The following GTF3C1 variants were observed in gnomAD, a reference collection of about 807,000 sequenced individuals.
The protein encoded by GTF3C1 is general transcription factor IIIC subunit 1, also known as general transcription factor 3C polypeptide 1.
In GTF3C1, 57 loss-of-function variants were observed where a neutral mutation model predicts 226.7. The observed-to-expected ratio is 0.25, with a 90% CI of 0.20 to 0.31. GTF3C1 has a LOEUF of 0.31. GTF3C1 is among the 10% of genes least tolerant of loss of function. The probability of loss-of-function intolerance (pLI) is 1.00; values close to 1 mark genes in which losing one functional copy is unlikely to be tolerated. For synonymous variants in GTF3C1, 1,090 were observed against 1,084.8 expected (o/e 1.00, Z -0.09); for missense variants, 2,217 against 2,776.1 (o/e 0.80, Z 4.53).
intron 1 of GTF3C1, among the ~76,000 whole-genome samples, chr16:27,548,202 C>G (rs1185494540): frequency 1.3e-5 from 2 of 152,238 alleles, no homozygotes. Context: ...ATTTGCTGTT[C>G]TCTGTCCAAC....
chr16:27,514,539 C>A (rs954423557), intron 6 of GTF3C1, among the ~76,000 whole-genome samples: 24 of 152,254 alleles, frequency 1.6e-4, no homozygotes, highest in African/African-American at 3.9e-4. Context: ...GCCATTCCCC[C>A]CTAGACTGTC....
rs1447210049 is a variant in GTF3C1 at position 27,478,465 on chromosome 16, T to C, written c.4259+4A>G. ...GAAAAGCTACTCTATATATCAGTAC[T>C]TACCTGTTAAGTTCATCCTCTTTCC... On this transcript the variant is annotated splice_donor_region_variant and intron_variant, in intron 28 of 36. Transcript: ENST00000356183. The C allele has an allele frequency of 6.3e-7, 1 of 1,580,856 alleles. No individual in the cohort carries two copies. Among genetic ancestry groups the C allele is most frequent in the South Asian group, 1.1e-5 (1 of 90,320 alleles).
At chr16:27,537,687 T>G (rs2089021440) in intron 4 of GTF3C1, 97 bp downstream of exon 4, 5 of 820,708 alleles carry the variant, frequency 6.1e-6, no homozygotes, top group Non-Finnish European at 9.9e-6. Flanking sequence ...TGATTACAGG[T>G]ATGAGCCACT....
At position 27,462,725 on chromosome 16, in the gene GTF3C1, G is replaced by A. The variant is rs889366756; in HGVS notation, c.5925-239C>T. 2.0e-5 allele frequency: 10 copies of A among 493,280 alleles called. No individual in the cohort carries two copies. The Admixed American group carries it at 2.5e-4, about 13-fold the overall frequency. The allele number at this position is 493,280 out of a possible 1,614,324, so 30.6% of individuals were successfully genotyped here. On this transcript the variant is annotated intron_variant, in intron 35 of 36. Coordinates refer to ENST00000356183, the MANE Select transcript of GTF3C1 (RefSeq NM_001520.4). This position sits in a 1 kb window ranked among gnomAD's most constrained non-coding sequence, Gnocchi z 4.5. ...TCCGCTCTGATGTAGCTGTAACTGA[G>A]GCCTCAGTGGGCCCACCCACATTGG...
intron 29 of GTF3C1, 78 bp downstream of exon 29, chr16:27,476,373 G>T: frequency 1.1e-6 from 1 of 873,020 alleles, no homozygotes; most frequent in Non-Finnish European, 1.9e-6. Context: ...AGCGGAGAAG[G>T]GCAGGGGCCA....
intron 1 of GTF3C1, among the ~76,000 whole-genome samples, chr16:27,546,212 C>A (rs570608481): frequency 6.6e-6 from 1 of 152,264 alleles, no homozygotes; most frequent in East Asian, 1.9e-4. Flanking sequence ...AATATCCTAA[C>A]CCATTTTCAT....
intron 6 of GTF3C1, among the ~76,000 whole-genome samples, chr16:27,527,926 A>T (rs1210528981): frequency 6.6e-6 from 1 of 151,668 alleles, no homozygotes; most frequent in East Asian, 1.9e-4. Context: ...GTGAGCTGAG[A>T]TGATGCCACT....
intron 14 of GTF3C1, among the ~76,000 whole-genome samples, chr16:27,496,214 G>A (rs2088314820): frequency 6.6e-6 from 1 of 152,112 alleles, no homozygotes; most frequent in African/African-American, 2.4e-5. Context: ...TAGAACCCAA[G>A]CAAATGCTGG....
At chr16:27,544,220 C>T (rs538478592) in intron 2 of GTF3C1, among the ~76,000 whole-genome samples, 64 of 151,952 alleles carry the variant, frequency 4.2e-4, no homozygotes, top group African/African-American at 1.4e-3. Flanking sequence ...AAGACCCCAC[C>T]TCTACAAAAA....
chr16:27,530,796 G>A (rs1353822229), intron 5 of GTF3C1, among the ~76,000 whole-genome samples: 2 of 152,110 alleles, frequency 1.3e-5, no homozygotes, highest in Non-Finnish European at 2.9e-5. Flanking sequence ...GTGGGGGCCC[G>A]CAGTGAGCAA....
At chr16:27,512,417 A>G (rs1473613632) in intron 6 of GTF3C1, among the ~76,000 whole-genome samples, 2 of 152,246 alleles carry the variant, frequency 1.3e-5, no homozygotes, top group Non-Finnish European at 2.9e-5. Context: ...AGGGGATTTT[A>G]TAATGATTCC....
intron 14 of GTF3C1, among the ~76,000 whole-genome samples, chr16:27,495,854 G>T (rs1031054552): frequency 6.6e-6 from 1 of 152,218 alleles, no homozygotes; most frequent in Middle Eastern, 3.2e-3. Flanking sequence ...GGGGCCTGAG[G>T]TGGGGGTGTG....
At position 27,489,106 on chromosome 16, in the gene GTF3C1, G is replaced by C; in HGVS notation, c.3366C>G (p.Ser1122Arg). The C allele has an allele frequency of 6.2e-7, 1 of 1,613,954 alleles. No individual in the cohort carries two copies. Among genetic ancestry groups the C allele is most frequent in the Non-Finnish European group, 8.5e-7 (1 of 1,179,850 alleles). ...DGLGAAGLDS[S>R]FYGHLKRNWI... is the part of the protein sequence containing the mutation. The stretch of plus-strand genomic sequence containing the variant: ...AGTTGCGCTTGAGGTGTCCGTAGAA[G>C]CTGGAATCGAGCCCTGCGGCACCCA... The change falls in exon 21 of 37, where the codon AGC becomes AGG. Residue 1122 changes from serine (S) to arginine (R), a missense_variant. This residue lies in a region of GTF3C1 where 546 missense variants were observed against 663.0 expected (regional missense o/e 0.82). Transcript: ENST00000356183.
chr16:27,516,779 T>C (rs1281120629), intron 6 of GTF3C1, among the ~76,000 whole-genome samples: 1 of 152,176 alleles, frequency 6.6e-6, no homozygotes, highest in African/African-American at 2.4e-5. Context: ...ACTACAGACA[T>C]ACACCACCAT....
intron 16 of GTF3C1, among the ~76,000 whole-genome samples, chr16:27,494,053 A>T (rs1405062699): frequency 6.6e-6 from 1 of 152,168 alleles, no homozygotes; most frequent in Non-Finnish European, 1.5e-5. Context: ...TCTATGAGTG[A>T]TACAGTTATG....
In GTF3C1 at chr16:27,501,154, G is replaced by A. The variant is rs141835106; in HGVS notation, c.2061+37C>T. The A allele has an allele frequency of 5.3e-3, 8,359 of 1,576,656 alleles. 30 individuals carry two copies. The highest frequency in any genetic ancestry group is 6.0e-3 in the Non-Finnish European group (6,919 of 1,148,930). ...GCTAGACAAAAACTTCCAACAGCAC[G>A]AGGCTGGCTCTGGGCATCGGGGGAG... On this transcript the variant is annotated intron_variant, in intron 12 of 36. Transcript: ENST00000356183.
chr16:27,491,875 G>C (rs1199047587), intron 19 of GTF3C1, among the ~76,000 whole-genome samples: 3 of 152,102 alleles, frequency 2.0e-5, no homozygotes, highest in South Asian at 2.1e-4. Context: ...ATAGAATTCA[G>C]CTCCAATGTC....
At position 27,469,880 on chromosome 16, in the gene GTF3C1, T is replaced by C. The variant is rs1596614573; in HGVS notation, c.4814+228A>G. On this transcript the variant is annotated intron_variant, in intron 31 of 36. Transcript: ENST00000356183. The surrounding 1 kb of genome is among the most constrained non-coding windows in gnomAD (Gnocchi z 4.5). ...AGGAACAGTCCTCCCTTCTCTTCCCTGCCCCTCCCCTGCCCCGCTGTGCTG... is the reference window on the plus strand; with the variant it reads ...AGGAACAGTCCTCCCTTCTCTTCCCCGCCCCTCCCCTGCCCCGCTGTGCTG... Among the ~76,000 whole-genome samples the C allele has an allele frequency of 6.6e-6, 1 of 152,148 alleles. No individual in the cohort carries two copies. The highest frequency in any genetic ancestry group is 1.9e-4 in the East Asian group (1 of 5,186).
At chr16:27,513,696 T>A (rs768829335) in intron 6 of GTF3C1, among the ~76,000 whole-genome samples, 1 of 152,172 alleles carries the variant, frequency 6.6e-6, no homozygotes, top group Admixed American at 6.5e-5. Context: ...CCATTTCAGA[T>A]AGCAATAAAT....
Sources: gnomAD v4.1 joint callset for allele counts (sites outside exome capture counted in the v4.1 genomes callset) on GRCh38, gnomAD v4.1.1 for gene constraint, gnomAD v4.1.1 regional missense constraint, Gnocchi (gnomAD v3.1) non-coding constraint, MANE v1.5 for transcripts, NCBI Gene and HGNC (gene_info 2026-07-23, HGNC 2026-07-21) for gene names.